RGS7: variants seen among roughly 807,000 people sequenced by gnomAD.
RGS7 encodes regulator of G protein signaling 7.
A neutral mutation model predicts 81.1 loss-of-function variants in RGS7; 27 were observed. The ratio of observed to expected loss-of-function variants is 0.33; its 90% CI spans 0.25 to 0.46. The LOEUF (loss-of-function observed/expected upper bound fraction) is 0.46. Ranked by LOEUF, RGS7 falls within the 20% of genes least tolerant of loss-of-function variation. RGS7 has a pLI of 1.00. For missense variants in RGS7, 396 were observed against 607.4 expected, an observed-to-expected ratio of 0.65 and a Z score of 3.66; for synonymous variants, 208 against 207.7, an observed-to-expected ratio of 1.00 and a Z score of -0.01.
chr1:241,344,358 T>C (rs929827985), intron 2 of RGS7, among the ~76,000 whole-genome samples: 5 of 152,268 alleles, frequency 3.3e-5, no homozygotes, highest in Middle Eastern at 3.4e-3. Context: ...TAAAAGAAAA[T>C]ATTCCTTAGA....
At chr1:240,850,975 C>A (rs1314891151) in intron 9 of RGS7, among the ~76,000 whole-genome samples, 1 of 152,120 alleles carries the variant, frequency 6.6e-6, no homozygotes, top group East Asian at 1.9e-4. Flanking sequence ...AGAAAAGGAG[C>A]CATCTCCATA....
chr1:240,779,997 C>A (rs1432730196), intron 18 of RGS7, among the ~76,000 whole-genome samples: 1 of 152,126 alleles, frequency 6.6e-6, no homozygotes, highest in Non-Finnish European at 1.5e-5. Flanking sequence ...CAATCCTGGG[C>A]AATAAGCTAA....
intron 3 of RGS7, among the ~76,000 whole-genome samples, chr1:241,011,434 G>T (rs1036566349): frequency 2.6e-5 from 4 of 152,152 alleles, no homozygotes; most frequent in Non-Finnish European, 5.9e-5. Context: ...AAGTTCCTGT[G>T]GCCCCTTGAG....
chr1:240,930,177 A>G (rs1675162118), intron 6 of RGS7, among the ~76,000 whole-genome samples: 1 of 151,156 alleles, frequency 6.6e-6, no homozygotes, highest in South Asian at 2.1e-4. Flanking sequence ...AGTTTGTTCT[A>G]AGTTCACTGA....
chr1:240,819,748 C>T (rs973449060), intron 10 of RGS7, among the ~76,000 whole-genome samples: 2 of 152,100 alleles, frequency 1.3e-5, no homozygotes, highest in African/African-American at 4.8e-5. Flanking sequence ...ACAAAAAAAA[C>T]AAAACAAAAA....
chr1:240,820,317 C>T (rs1489539337), intron 10 of RGS7, among the ~76,000 whole-genome samples: 1 of 152,130 alleles, frequency 6.6e-6, no homozygotes, highest in East Asian at 1.9e-4. Flanking sequence ...TCCTTTATTC[C>T]TATGGTGCTA....
chr1:241,267,222 T>C (rs570100918), intron 2 of RGS7, among the ~76,000 whole-genome samples: 3 of 152,312 alleles, frequency 2.0e-5, no homozygotes, highest in Admixed American at 1.3e-4. Flanking sequence ...TAGGTGCTCC[T>C]GGCTGCCTGA....
chr1:241,189,976 A>G (rs56809646), intron 2 of RGS7, among the ~76,000 whole-genome samples: 5,442 of 152,100 alleles, frequency 0.036, 247 homozygotes, highest in African/African-American at 0.11. Context: ...GGTGGTGGGC[A>G]CCTGTAGTCC....
chr1:240,812,596 G>A (rs984373965), intron 13 of RGS7, among the ~76,000 whole-genome samples: 32 of 151,904 alleles, frequency 2.1e-4, no homozygotes, highest in African/African-American at 6.8e-4. Context: ...CACTATGCCC[G>A]GCTACTTTTT....
chr1:240,846,550 C>T (rs1262937625), intron 9 of RGS7, among the ~76,000 whole-genome samples: 4 of 152,092 alleles, frequency 2.6e-5, no homozygotes, highest in Admixed American at 2.6e-4. Context: ...TAGGGCTTAA[C>T]CTAGTTTTAT....
chr1:241,098,477 T>G (rs931080734), intron 3 of RGS7, among the ~76,000 whole-genome samples, 189 bp downstream of exon 3: 7 of 152,234 alleles, frequency 4.6e-5, no homozygotes, highest in Non-Finnish European at 1.0e-4. Context: ...AGCAGGGTCA[T>G]GATTTTTGGC....
chr1:241,034,154 CAT>C (rs1165433225), intron 3 of RGS7, among the ~76,000 whole-genome samples: 1 of 152,110 alleles, frequency 6.6e-6, no homozygotes, highest in African/African-American at 2.4e-5. Flanking sequence ...ATCCAAGGGA[CAT>C]AAAAGAAATT....
chr1:241,293,842 G>C (rs775189553), intron 2 of RGS7, among the ~76,000 whole-genome samples: 1 of 152,144 alleles, frequency 6.6e-6, no homozygotes, highest in Non-Finnish European at 1.5e-5. Context: ...CAGTGTTGGT[G>C]GGAGTGTAAA....
chr1:241,117,574 C>T (rs1482708967), intron 2 of RGS7, among the ~76,000 whole-genome samples: 1 of 152,094 alleles, frequency 6.6e-6, no homozygotes, highest in Non-Finnish European at 1.5e-5. Context: ...ATCAGATAAA[C>T]TGAGTGGAGG....
intron 2 of RGS7, among the ~76,000 whole-genome samples, chr1:241,304,099 TTTA>T (rs1311715342): frequency 1.3e-5 from 2 of 152,190 alleles, no homozygotes; most frequent in Non-Finnish European, 1.5e-5. Context: ...TACACTTTAT[TTTA>T]TTAATTTTTT....
chr1:240,796,563 G>A (rs1376884071), intron 18 of RGS7, among the ~76,000 whole-genome samples: 2 of 152,160 alleles, frequency 1.3e-5, no homozygotes, highest in Non-Finnish European at 2.9e-5. Flanking sequence ...GCGGGTGCCT[G>A]TAGTCCCAGC....
intron 3 of RGS7, among the ~76,000 whole-genome samples, chr1:241,091,347 G>A (rs2063857457): frequency 6.6e-6 from 1 of 151,906 alleles, no homozygotes; most frequent in Non-Finnish European, 1.5e-5. Flanking sequence ...GGGAGATCGA[G>A]ACCATCTTGG....
chr1:241,238,148 GTGT>G (rs2076078798), intron 2 of RGS7, among the ~76,000 whole-genome samples: 2 of 152,200 alleles, frequency 1.3e-5, no homozygotes, highest in African/African-American at 4.8e-5. Flanking sequence ...CTGTGAGGAA[GTGT>G]TGTGCAGGTA....
intron 6 of RGS7, among the ~76,000 whole-genome samples, chr1:240,908,755 C>CT (rs1342424766): frequency 1.3e-5 from 2 of 152,122 alleles, no homozygotes; most frequent in Non-Finnish European, 2.9e-5. Flanking sequence ...CACAAGAAAA[C>CT]TAGGAGGACC....
Sources: gnomAD v4.1 joint callset for allele counts (sites outside exome capture counted in the v4.1 genomes callset) on GRCh38, gnomAD v4.1.1 for gene constraint, MANE v1.5 for transcripts, NCBI Gene and HGNC (gene_info 2026-07-23, HGNC 2026-07-21) for gene names.